The following MFSD8 variants were observed in gnomAD, a reference collection of about 807,000 sequenced individuals.
MFSD8 encodes major facilitator superfamily domain-containing protein 8.
MFSD8 carries 55 observed loss-of-function variants against 66.4 expected under a neutral mutation model. That is an observed-to-expected ratio of 0.83 (90% confidence interval 0.67 to 1.04). The LOEUF (loss-of-function observed/expected upper bound fraction) is 1.04. Ranked by LOEUF, MFSD8 falls within the 50% of genes least tolerant of loss-of-function variation. The probability of loss-of-function intolerance (pLI) is 0.00; values close to 1 mark genes in which losing one functional copy is unlikely to be tolerated. For synonymous variants in MFSD8, 202 were observed against 212.8 expected, an observed-to-expected ratio of 0.95 and a Z score of 0.44; for missense variants, 550 against 627.6, an observed-to-expected ratio of 0.88 and a Z score of 1.32.
rs1736073167 is a variant in MFSD8 at position 127,918,916 on chromosome 4, G to A, written c.*1714C>T. The A allele has an allele frequency of 1.3e-5, 2 of 152,172 alleles. No individual in the cohort carries two copies. Among genetic ancestry groups the A allele is most frequent in the Non-Finnish European group, 2.9e-5 (2 of 68,046 alleles). The allele number at this position is 152,172 out of a possible 1,614,324, so 9.4% of individuals were successfully genotyped here. A position where few individuals can be genotyped will look rare whatever the true frequency, so the allele number is the denominator to read the frequency against. On this transcript the variant is annotated 3_prime_UTR_variant, in exon 12 of 12. Transcript: ENST00000641686. Reference sequence around the variant, plus strand: ...GCACACTATGCAAACCAAGGGTAGAGTTTACTCTTTAAGATTAGACGTGGC... The same window carrying A: ...GCACACTATGCAAACCAAGGGTAGAATTTACTCTTTAAGATTAGACGTGGC...
chr4:127,951,730 A>G (rs1424166461), intron 2 of MFSD8, among the ~76,000 whole-genome samples: 1 of 136,204 alleles, frequency 7.3e-6, no homozygotes, highest in Non-Finnish European at 1.6e-5. Context: ...TTCACTTAGT[A>G]TTTTTTTTTT....
At chr4:127,923,151 C>G (rs1014419115) in intron 9 of MFSD8, among the ~76,000 whole-genome samples, 13 of 152,192 alleles carry the variant, frequency 8.5e-5, no homozygotes, top group African/African-American at 2.9e-4. Flanking sequence ...CTGGCCAGAA[C>G]TTCCAACACT....
intron 9 of MFSD8, among the ~76,000 whole-genome samples, chr4:127,927,427 T>C (rs111945707): frequency 0.035 from 5,391 of 152,242 alleles, 326 homozygotes; most frequent in African/African-American, 0.12. Flanking sequence ...CTGCCCGCCT[T>C]GGCCTCCCAA....
chr4:127,929,822 A>T (rs1737837267), intron 9 of MFSD8, among the ~76,000 whole-genome samples: 2 of 152,244 alleles, frequency 1.3e-5, no homozygotes, highest in African/African-American at 4.8e-5. Flanking sequence ...TGTTCCTAGC[A>T]TAAAGAAAAG....
intron 2 of MFSD8, among the ~76,000 whole-genome samples, chr4:127,953,934 A>G (rs1346176675): frequency 6.6e-6 from 1 of 152,242 alleles, no homozygotes; most frequent in Non-Finnish European, 1.5e-5. Context: ...TGATTGGGGT[A>G]AATAGAAAAT....
At position 127,943,799 on chromosome 4, in the gene MFSD8, T is replaced by C. The variant is rs1471138701; in HGVS notation, c.392A>G (p.Asn131Ser). The C allele has an allele frequency of 1.9e-6, 3 of 1,614,106 alleles. No homozygotes were observed. Among genetic ancestry groups the C allele is most frequent in the Non-Finnish European group, 2.5e-6 (3 of 1,180,026 alleles). The part of the protein sequence containing the change: ...YAYLHIPASH[N>S]KYYMLVARGL... ...ACGAGCAACCAGCATGTAGTATTTA[T>C]TATGAGAAGCTGGGATGTGGAGATA... The change falls in exon 4 of 12, where the codon AAT (asparagine) becomes AGT (serine). Residue 131 changes from asparagine to serine, a missense_variant. Physicochemically the swap from Asn to Ser is conservative, Grantham distance 46. Transcript: ENST00000641686.
chr4:127,930,898 G>A (rs1172184105), intron 8 of MFSD8, 81 bp from the exon 9 acceptor site: 16 of 1,344,970 alleles, frequency 1.2e-5, no homozygotes, highest in Non-Finnish European at 1.5e-5. Flanking sequence ...TTTTAATAAC[G>A]ACATCTACAC....
rs200553658 is a variant in MFSD8, at chr4:127,921,471, G to C, written c.1350+53C>G. 1,148 of 1,612,132 alleles carry C rather than the reference G, an allele frequency of 7.1e-4. 2 individuals carry two copies. Among genetic ancestry groups the C allele is most frequent in the Non-Finnish European group, 9.0e-4 (1,062 of 1,179,896 alleles). On this transcript the variant is annotated intron_variant, in intron 11 of 11. Transcript: ENST00000641686. ...ATAGAGAATGGCAGCAAAAAATGTT[G>C]AGTGCTTACAAGTATATTTTCTATA...
chr4:127,929,293 A>T (rs1283562843), intron 9 of MFSD8, among the ~76,000 whole-genome samples: 1 of 129,292 alleles, frequency 7.7e-6, no homozygotes, highest in Non-Finnish European at 1.6e-5. Context: ...ACTGCACTCC[A>T]GCCTGGGCAA....
intron 1 of MFSD8, 81 bp downstream of exon 1, chr4:127,964,991 C>T (rs1034475200): frequency 6.6e-7 from 1 of 1,526,632 alleles, no homozygotes; most frequent in Non-Finnish European, 9.0e-7. Context: ...GAGGGTTTGT[C>T]CCAGTGCGGG....
chr4:127,948,338 C>T (rs1165989688), intron 3 of MFSD8, among the ~76,000 whole-genome samples: 3 of 152,100 alleles, frequency 2.0e-5, no homozygotes, highest in Non-Finnish European at 4.4e-5. Context: ...CTTCCTGATA[C>T]GATCTCAGGG....
At chr4:127,951,162 G>A (rs72616971) in intron 2 of MFSD8, among the ~76,000 whole-genome samples, 4,581 of 152,066 alleles carry the variant, frequency 0.03, 295 homozygotes, top group East Asian at 0.26. Flanking sequence ...AATTCAATGG[G>A]TTTTAATATA....
chr4:127,955,471 C>T (rs189849122), intron 2 of MFSD8, among the ~76,000 whole-genome samples: 74 of 146,546 alleles, frequency 5.0e-4, no homozygotes, highest in African/African-American at 1.7e-3. Flanking sequence ...ACCCCGCAGG[C>T]GGAGGTTTCA....
chr4:127,942,156 T>C lies in MFSD8; in HGVS notation c.442A>G (p.Asn148Asp), dbSNP rs796052742. Reference protein sequence around the residue: ...ARGLLGIGAGNVAVVRSYTAG... With the variant: ...ARGLLGIGAGDVAVVRSYTAG... Reference sequence around the variant, plus strand: ...GTATATGATCTAACAACTGCTACATTTCCTTAAAAACAAGACACAATAATC... The same window carrying C: ...GTATATGATCTAACAACTGCTACATCTCCTTAAAAACAAGACACAATAATC... Residue 148 changes from asparagine to aspartate, a missense_variant and splice_region_variant, in exon 5 of 12, where the codon AAT becomes GAT. Physicochemically the swap from Asn to Asp is conservative, Grantham distance 23. Transcript: ENST00000641686. The C allele has an allele frequency of 6.2e-7, 1 of 1,606,302 alleles. No individual in the cohort carries two copies. The highest frequency in any genetic ancestry group is 8.5e-7 in the Non-Finnish European group (1 of 1,173,240).
rs1031885392 is a variant in MFSD8, at chr4:127,919,465, A to G, written c.*1165T>C. 2.0e-5 allele frequency: 3 copies of G among 152,254 alleles called. No homozygotes were observed. The highest frequency in any genetic ancestry group is 2.9e-5 in the Non-Finnish European group (2 of 68,050). 9.4% of individuals were successfully genotyped at this position (152,254 alleles called of 1,614,324 possible). ...TTCTTAACAGTGCTTATCAATATAC[A>G]TAGTTATCTACTAGTTCCTTTTATC... On this transcript the variant is annotated 3_prime_UTR_variant, in exon 12 of 12. Transcript: ENST00000641686.
At position 127,957,967 on chromosome 4, in the gene MFSD8, C is replaced by T. The variant is rs542659852; in HGVS notation, c.63-375G>A. ...GCTACAACTAGATCCCCCGTAGCTA[C>T]TAAGTACTAAAAAATAATAACTGTC... On this transcript the variant is annotated intron_variant, in intron 1 of 11. Coordinates refer to ENST00000641686, the MANE Select transcript of MFSD8 (RefSeq NM_001371596.2). Among the ~76,000 whole-genome samples the T allele has an allele frequency of 1.8e-3, 270 of 152,254 alleles. 1 individual carries two copies. The highest frequency in any genetic ancestry group is 6.2e-3 in the African/African-American group (258 of 41,556).
Position 127,940,732 on chromosome 4 carries a change from C to A in MFSD8, c.554-735G>T, listed in dbSNP as rs1249936218. Among the ~76,000 whole-genome samples, 32 of 145,370 alleles carry A rather than the reference C, an allele frequency of 2.2e-4. No individual in the cohort carries two copies. The East Asian group carries it at 6.2e-3, about 28-fold the overall frequency. Reference sequence around the variant, plus strand: ...AGCACTCTAAAGAAATATGAAGTGGCAAAATCTAATTTGGATCTGTGGCAA... The same window carrying A: ...AGCACTCTAAAGAAATATGAAGTGGAAAAATCTAATTTGGATCTGTGGCAA... On this transcript the variant is annotated intron_variant, in intron 5 of 11. Transcript: ENST00000641686.
chr4:127,964,080 A>G (rs545107509), intron 1 of MFSD8, among the ~76,000 whole-genome samples: 1 of 152,346 alleles, frequency 6.6e-6, no homozygotes, highest in Non-Finnish European at 1.5e-5. Flanking sequence ...ACCTTGAGCT[A>G]GATACAGAGT....
intron 9 of MFSD8, among the ~76,000 whole-genome samples, chr4:127,922,305 C>T (rs563210327): frequency 4.2e-4 from 64 of 152,148 alleles, no homozygotes; most frequent in South Asian, 1.9e-3. Flanking sequence ...ATAATAATGG[C>T]AATGGATTGA....
Sources: allele counts gnomAD v4.1 joint callset (sites outside exome capture counted in the v4.1 genomes callset), GRCh38; gene constraint gnomAD v4.1.1; transcripts MANE v1.5; gene names NCBI Gene and HGNC (gene_info 2026-07-23, HGNC 2026-07-21).